Variants in TRDN observed in about 807,000 individuals in gnomAD.
TRDN encodes the protein triadin in skeletal muscle.
TRDN carries 161 observed loss-of-function variants against 149.7 expected under a neutral mutation model. The observed-to-expected ratio is 1.08, with a 90% CI of 0.95 to 1.23. TRDN has a LOEUF of 1.23. TRDN is among the 50% of genes most tolerant of loss of function. The pLI is 0.00. For missense variants in TRDN, 896 were observed against 823.5 expected (o/e 1.09, Z -1.08); for synonymous variants, 294 against 250.5 (o/e 1.17, Z -1.64).
chr6:123,253,940 G>C (rs1476963181), intron 37 of TRDN, among the ~76,000 whole-genome samples: 6 of 152,116 alleles, frequency 3.9e-5, no homozygotes, highest in Admixed American at 3.9e-4. Flanking sequence ...AGTACGAATA[G>C]ATGGCCTTAA....
chr6:123,586,285 A>G (rs1453571187), intron 1 of TRDN, among the ~76,000 whole-genome samples: 2 of 151,986 alleles, frequency 1.3e-5, no homozygotes, highest in African/African-American at 2.4e-5. Context: ...TGATAAAAGG[A>G]TTATAGGGTG....
chr6:123,585,105 A>T lies in TRDN; in HGVS notation c.23-13973T>A, dbSNP rs1271041645. Among the ~76,000 whole-genome samples, 9 of 150,932 alleles carry T rather than the reference A, an allele frequency of 6.0e-5. No individual in the cohort carries two copies. In the East Asian group the frequency reaches 9.9e-4, roughly 17 times the overall value. On this transcript the variant is annotated intron_variant, in intron 1 of 40. Coordinates refer to ENST00000334268, the MANE Select transcript of TRDN (RefSeq NM_006073.4). ...GGTAAGGGGTGCATGATCGGTTGCC[A>T]AGGAGGGAGTAGAGGTATCTTATAC...
intron 21 of TRDN, among the ~76,000 whole-genome samples, chr6:123,347,638 G>A (rs1780306316): frequency 6.6e-6 from 1 of 151,894 alleles, no homozygotes; most frequent in Non-Finnish European, 1.5e-5. Context: ...CTTTCCTGTT[G>A]ATTGATTGTA....
At chr6:123,511,876 CTT>C (rs1277736568) in intron 7 of TRDN, among the ~76,000 whole-genome samples, 1 of 152,140 alleles carries the variant, frequency 6.6e-6, no homozygotes, top group African/African-American at 2.4e-5. Flanking sequence ...CTTCAAATCT[CTT>C]TGTTCTCTGC....
chr6:123,583,186 G>A (rs1024754716), intron 1 of TRDN, among the ~76,000 whole-genome samples: 1 of 152,132 alleles, frequency 6.6e-6, no homozygotes, highest in Non-Finnish European at 1.5e-5. Context: ...GGAGATATCA[G>A]CTGTGATGGC....
chr6:123,499,037 CTTAGATGAATCTAA>C (rs974457473), intron 8 of TRDN, among the ~76,000 whole-genome samples: 86 of 152,256 alleles, frequency 5.6e-4, no homozygotes, highest in African/African-American at 1.9e-3. Context: ...ATACAAACTC[CTTAGATGAATCTAA>C]TTAGACTGCA....
At chr6:123,389,864 C>T (rs1260013673) in intron 13 of TRDN, among the ~76,000 whole-genome samples, 2 of 152,052 alleles carry the variant, frequency 1.3e-5, no homozygotes, top group East Asian at 1.9e-4. Flanking sequence ...ACAAAGATAA[C>T]ACCGAAAATG....
intron 2 of TRDN, among the ~76,000 whole-genome samples, chr6:123,565,821 G>A (rs553764106): frequency 2.6e-5 from 4 of 152,308 alleles, no homozygotes; most frequent in East Asian, 1.9e-4. Flanking sequence ...GGGGAAAGGC[G>A]TCAATTTATC....
At chr6:123,378,478 G>GTGTGTT (rs1781594012) in intron 16 of TRDN, among the ~76,000 whole-genome samples, 1 of 151,532 alleles carries the variant, frequency 6.6e-6, no homozygotes, top group South Asian at 2.1e-4. Flanking sequence ...GTGTGTGTGT[G>GTGTGTT]TGTGTGTGTG....
intron 1 of TRDN, among the ~76,000 whole-genome samples, chr6:123,590,086 T>C (rs1354902546): frequency 1.3e-5 from 2 of 152,170 alleles, no homozygotes; most frequent in Non-Finnish European, 2.9e-5. Flanking sequence ...AGAGATATGT[T>C]ACAGCTGGAG....
intron 21 of TRDN, among the ~76,000 whole-genome samples, chr6:123,348,728 G>A (rs1780346571): frequency 6.6e-6 from 1 of 152,042 alleles, no homozygotes. Flanking sequence ...AGGAGTGAAG[G>A]TAAATATTAA....
At chr6:123,540,339 C>T (rs1780764502) in intron 4 of TRDN, among the ~76,000 whole-genome samples, 1 of 151,982 alleles carries the variant, frequency 6.6e-6, no homozygotes, top group African/African-American at 2.4e-5. Context: ...CCCATACTAG[C>T]TGCTAGGAGA....
intron 10 of TRDN, among the ~76,000 whole-genome samples, chr6:123,443,377 G>T (rs1423584532): frequency 6.6e-6 from 1 of 151,960 alleles, no homozygotes; most frequent in Admixed American, 6.5e-5. Flanking sequence ...TTCTGAATGG[G>T]CAATTGGAAA....
intron 9 of TRDN, among the ~76,000 whole-genome samples, chr6:123,473,967 C>T (rs1416489600): frequency 6.6e-6 from 1 of 152,004 alleles, no homozygotes; most frequent in Non-Finnish European, 1.5e-5. Flanking sequence ...AAAGGAACAA[C>T]CAGTACCAGC....
At chr6:123,474,801 T>C (rs978802826) in intron 9 of TRDN, among the ~76,000 whole-genome samples, 1 of 151,878 alleles carries the variant, frequency 6.6e-6, no homozygotes, top group Non-Finnish European at 1.5e-5. Flanking sequence ...ACATGGAAAC[T>C]GAACAACCTG....
intron 40 of TRDN, among the ~76,000 whole-genome samples, chr6:123,218,954 T>C (rs1003532904): frequency 1.3e-5 from 2 of 151,926 alleles, no homozygotes; most frequent in Non-Finnish European, 2.9e-5. Flanking sequence ...TTAAATGAGT[T>C]ACATGAGTTA....
chr6:123,326,736 C>T (rs1453297186), intron 23 of TRDN, among the ~76,000 whole-genome samples: 1 of 151,940 alleles, frequency 6.6e-6, no homozygotes, highest in Non-Finnish European at 1.5e-5. Flanking sequence ...ACAAATATCA[C>T]CCACATTTTT....
intron 21 of TRDN, among the ~76,000 whole-genome samples, chr6:123,338,280 T>G: frequency 6.6e-6 from 1 of 151,952 alleles, no homozygotes; most frequent in Non-Finnish European, 1.5e-5. Flanking sequence ...AAAGACACAT[T>G]TTAGAGAAAC....
intron 16 of TRDN, among the ~76,000 whole-genome samples, chr6:123,378,585 A>G (rs1040538005): frequency 2.0e-5 from 3 of 151,950 alleles, no homozygotes; most frequent in Non-Finnish European, 2.9e-5. Context: ...TCAAAGTGCT[A>G]GGATTACAGG....
Sources: gnomAD v4.1 joint callset for allele counts (sites outside exome capture counted in the v4.1 genomes callset) on GRCh38, gnomAD v4.1.1 for gene constraint, MANE v1.5 for transcripts, NCBI Gene and HGNC (gene_info 2026-07-23, HGNC 2026-07-21) for gene names.